Variants in IL17REL observed in about 807,000 individuals in gnomAD.
The protein encoded by IL17REL is interleukin 17 receptor E like.
IL17REL carries 36 observed loss-of-function variants against 49.0 expected under a neutral mutation model. The observed-to-expected ratio is 0.73, with a 90% CI of 0.56 to 0.97. The LOEUF (loss-of-function observed/expected upper bound fraction) is 0.97. Ranked by LOEUF, IL17REL falls within the 50% of genes least tolerant of loss-of-function variation. The pLI is 0.00. For missense variants in IL17REL, 470 were observed against 453.9 expected (o/e 1.04, Z -0.32); for synonymous variants, 206 against 192.4 (o/e 1.07, Z -0.58).
intron 10 of IL17REL, 70 bp downstream of exon 12, chr22:49,997,615 A>C (rs2061044938): frequency 6.6e-7 from 1 of 1,517,828 alleles, no homozygotes; most frequent in Non-Finnish European, 9.1e-7. Flanking sequence ...CACCTCCCTG[A>C]CCAGCACAGA....
intron 1 of IL17REL, among the ~76,000 whole-genome samples, chr22:50,007,181 C>T (rs1306403970): frequency 1.3e-5 from 2 of 152,002 alleles, no homozygotes; most frequent in African/African-American, 4.8e-5. Flanking sequence ...CTATTAATAT[C>T]AGGACTCAAA....
intron 1 of IL17REL, among the ~76,000 whole-genome samples, chr22:50,007,960 C>G (rs1433397159): frequency 6.6e-6 from 1 of 151,238 alleles, no homozygotes; most frequent in Non-Finnish European, 1.5e-5. Context: ...TAGAACAGGC[C>G]AGGCATGGTG....
chr22:49,997,902 C>T (rs2061046899), intron 9 of IL17REL, 123 bp downstream of exon 11: 6 of 1,424,206 alleles, frequency 4.2e-6, no homozygotes, highest in East Asian at 2.4e-5. Context: ...CAGGAGGGGG[C>T]TCTGAGGGAC....
exon 13 of IL17REL, chr22:49,996,699 TC>T: frequency 3.3e-6 from 1 of 304,964 alleles, no homozygotes; most frequent in South Asian, 8.3e-5. Context: ...TCTCCCCGTT[TC>T]CCCCACCCAG....
exon 13 of IL17REL, chr22:49,996,700 C>A: frequency 3.2e-6 from 1 of 310,592 alleles, no homozygotes; most frequent in South Asian, 7.9e-5. Flanking sequence ...CTCCCCGTTT[C>A]CCCCACCCAG....
upstream of IL17REL, among the ~76,000 whole-genome samples, chr22:50,010,883 G>C (rs1365085088): frequency 6.6e-6 from 1 of 151,798 alleles, no homozygotes; most frequent in Non-Finnish European, 1.5e-5. Context: ...CGTGCTTCTC[G>C]GGGCTTCCCA....
chr22:50,009,107 C>G (rs898023297), upstream of IL17REL: 1 of 151,038 alleles, frequency 6.6e-6, no homozygotes, highest in Admixed American at 6.6e-5. Context: ...TCAGGAGGAG[C>G]AAGAGGGGTC....
intron 12 of IL17REL, 55 bp from the exon 15 acceptor site, chr22:49,996,915 G>A (rs2061038445): frequency 1.4e-6 from 1 of 700,026 alleles, no homozygotes; most frequent in Non-Finnish European, 2.4e-6. Context: ...CCGGGGATGG[G>A]GGATGGGAAG....
At chr22:50,001,609 G>A (rs969472530) in intron 1 of IL17REL, among the ~76,000 whole-genome samples, 1 of 152,242 alleles carries the variant, frequency 6.6e-6, no homozygotes, top group African/African-American at 2.4e-5. Flanking sequence ...ACACGGGCTT[G>A]CTGGGACACC....
At chr22:50,010,933 G>A (rs1305342439), upstream of IL17REL, among the ~76,000 whole-genome samples, 4 of 151,852 alleles carry the variant, frequency 2.6e-5, no homozygotes, top group East Asian at 5.8e-4. Flanking sequence ...CCCCCAGGGC[G>A]GCTGCTCGCG....
chr22:49,995,833 C>T (rs931497126), exon 13 of IL17REL: 2 of 152,784 alleles, frequency 1.3e-5, no homozygotes, highest in African/African-American at 4.8e-5. Flanking sequence ...CAGATCCCCC[C>T]ACCTGAGCCA....
chr22:50,006,954 CAAA>C (rs34032002), intron 1 of IL17REL, among the ~76,000 whole-genome samples: 1 of 101,908 alleles, frequency 9.8e-6, no homozygotes, highest in Admixed American at 1.1e-4. Context: ...GACTCTGTCT[CAAA>C]AAAAAAAAAA....
chr22:49,999,389 C>A, intron 6 of IL17REL, 42 bp downstream of exon 8: 1 of 1,612,784 alleles, frequency 6.2e-7, no homozygotes, highest in East Asian at 2.2e-5. Context: ...CATCCCTGTG[C>A]TCCCCTCACC....
chr22:50,012,265 C>T (rs550874908), upstream of IL17REL, among the ~76,000 whole-genome samples: 182 of 152,322 alleles, frequency 1.2e-3, 1 homozygote, highest in African/African-American at 4.1e-3. Context: ...GATGGGCTTG[C>T]GGGCTGCCCT....
chr22:50,010,586 G>A (rs1208775441), upstream of IL17REL, among the ~76,000 whole-genome samples: 1 of 152,236 alleles, frequency 6.6e-6, no homozygotes, highest in African/African-American at 2.4e-5. Context: ...AAGAATCCCC[G>A]CTGGGGGCTC....
downstream of IL17REL, among the ~76,000 whole-genome samples, chr22:49,993,027 T>C (rs988665029): frequency 6.6e-6 from 1 of 152,160 alleles, no homozygotes; most frequent in Admixed American, 6.5e-5. This position sits in a 1 kb window ranked among gnomAD's most constrained non-coding sequence, Gnocchi z 6.0. Flanking sequence ...GTCACTTGGC[T>C]CTGGTTGTCT....
chr22:50,004,394 A>G (rs1362275918), intron 1 of IL17REL, among the ~76,000 whole-genome samples: 1 of 152,184 alleles, frequency 6.6e-6, no homozygotes, highest in Non-Finnish European at 1.5e-5. Context: ...AAATTTAAAA[A>G]TAAAGCTGGA....
chr22:50,000,356 C>T, intron 4 of IL17REL, 116 bp from the exon 6 acceptor site: 1 of 758,778 alleles, frequency 1.3e-6, no homozygotes, highest in Middle Eastern at 3.1e-4. Flanking sequence ...CGAATTAAGC[C>T]AGAGGTCTTG....
intron 2 of IL17REL, 57 bp downstream of exon 3, chr22:50,001,025 C>T: frequency 7.2e-7 from 1 of 1,392,396 alleles, no homozygotes; most frequent in East Asian, 2.5e-5. Flanking sequence ...TAAAAGGCAC[C>T]TGGGCCCACT....
Sources: allele counts gnomAD v4.1 joint callset (sites outside exome capture counted in the v4.1 genomes callset), GRCh38; gene constraint gnomAD v4.1.1; non-coding constraint Gnocchi (gnomAD v3.1); transcripts MANE v1.5; gene names NCBI Gene and HGNC (gene_info 2026-07-23, HGNC 2026-07-21).